The following CSMD1 variants were observed in gnomAD, a reference collection of about 807,000 sequenced individuals.
CSMD1 encodes the protein CUB and Sushi multiple domains 1, also known as CUB and sushi domain-containing protein 1.
CSMD1 carries 213 observed loss-of-function variants against 417.5 expected under a neutral mutation model. The observed-to-expected ratio is 0.51, with a 90% confidence interval of 0.46 to 0.57. The LOEUF (loss-of-function observed/expected upper bound fraction) is 0.57, where lower values mean the gene tolerates loss of function less well. Among genes scored for constraint, CSMD1 ranks in the 20% least tolerant of loss-of-function variants. The pLI, the probability that CSMD1 is intolerant of heterozygous loss-of-function variation, is 0.00. For synonymous variants in CSMD1, 2,862 were observed against 1,736.8 expected (o/e 1.65, Z -16.11); for missense variants, 6,923 against 4,529.7 (o/e 1.53, Z -15.17).
intron 5 of CSMD1, among the ~76,000 whole-genome samples, chr8:3,804,048 C>T (rs561124838): frequency 7.9e-4 from 120 of 152,250 alleles, no homozygotes; most frequent in African/African-American, 2.8e-3. Flanking sequence ...CTTCCTCAGC[C>T]TCTGAGTAGC....
At chr8:3,317,375 C>T (rs1257630725) in intron 23 of CSMD1, among the ~76,000 whole-genome samples, 1 of 152,178 alleles carries the variant, frequency 6.6e-6, no homozygotes, top group Non-Finnish European at 1.5e-5. Flanking sequence ...ATAGTAATCG[C>T]AATAATTACC....
chr8:3,141,575 C>T (rs1818482205), intron 41 of CSMD1, among the ~76,000 whole-genome samples: 1 of 152,148 alleles, frequency 6.6e-6, no homozygotes, highest in African/African-American at 2.4e-5. Flanking sequence ...CCTGGGATCA[C>T]ATCACTATTG....
intron 52 of CSMD1, among the ~76,000 whole-genome samples, chr8:3,014,394 T>C (rs1006434600): frequency 1.3e-5 from 2 of 152,324 alleles, no homozygotes; most frequent in East Asian, 1.9e-4. Flanking sequence ...TGGTTTTTGA[T>C]AGCTAGCTTC....
chr8:4,261,087 T>A (rs1803847652), intron 3 of CSMD1, among the ~76,000 whole-genome samples: 1 of 152,222 alleles, frequency 6.6e-6, no homozygotes, highest in Non-Finnish European at 1.5e-5. Context: ...GTGCTATATA[T>A]AATTTTTCTA....
At chr8:4,884,549 A>G (rs895080077) in intron 1 of CSMD1, among the ~76,000 whole-genome samples, 6 of 151,960 alleles carry the variant, frequency 3.9e-5, no homozygotes, top group African/African-American at 1.5e-4. Context: ...TAATTTTTGT[A>G]TATTGAGATG....
At chr8:3,003,965 A>C (rs913379050) in intron 52 of CSMD1, among the ~76,000 whole-genome samples, 1 of 152,232 alleles carries the variant, frequency 6.6e-6, no homozygotes, top group Non-Finnish European at 1.5e-5. Context: ...CATCCTGTCC[A>C]GCTTAGTACA....
intron 36 of CSMD1, among the ~76,000 whole-genome samples, chr8:3,181,701 T>A (rs540091925): frequency 6.6e-6 from 1 of 152,284 alleles, no homozygotes; most frequent in African/African-American, 2.4e-5. Context: ...CTTAGTAATG[T>A]TCCCCCTGGA....
intron 2 of CSMD1, among the ~76,000 whole-genome samples, chr8:4,604,156 G>C (rs1386873009): frequency 1.3e-5 from 2 of 151,846 alleles, no homozygotes; most frequent in Non-Finnish European, 1.5e-5. Flanking sequence ...TTTTACAGTG[G>C]TAACTCTATT....
At chr8:4,362,278 GT>G (rs1474754828) in intron 3 of CSMD1, among the ~76,000 whole-genome samples, 1 of 152,080 alleles carries the variant, frequency 6.6e-6, no homozygotes, top group African/African-American at 2.4e-5. Flanking sequence ...AACACAAGCA[GT>G]GGACTCCTCC....
chr8:4,599,721 C>T (rs933037251), intron 2 of CSMD1, among the ~76,000 whole-genome samples: 1 of 152,204 alleles, frequency 6.6e-6, no homozygotes, highest in African/African-American at 2.4e-5. Context: ...ATAGCAACCA[C>T]TAACCAGCTT....
At position 3,440,344 on chromosome 8, in the gene CSMD1, G is replaced by C. The variant is rs368545930; in HGVS notation, c.1561+28368C>G. Among the ~76,000 whole-genome samples the C allele has an allele frequency of 5.4e-4, 82 of 152,246 alleles. 1 individual carries two copies. In the South Asian group the frequency reaches 0.016, roughly 30 times the overall value. On this transcript the variant is annotated intron_variant, in intron 12 of 69. Coordinates refer to ENST00000635120, the MANE Select transcript of CSMD1 (RefSeq NM_033225.6). Reference sequence around the variant, plus strand: ...TTTCAATAGCATTGTATAGTTTTCAGTCTATGAGTCCTATACATATACAGT... The same window carrying C: ...TTTCAATAGCATTGTATAGTTTTCACTCTATGAGTCCTATACATATACAGT...
chr8:3,688,842 G>A (rs1408755984), intron 7 of CSMD1, among the ~76,000 whole-genome samples: 2 of 151,996 alleles, frequency 1.3e-5, no homozygotes, highest in Non-Finnish European at 1.5e-5. Context: ...TTAACTGATA[G>A]CAATCAATTA....
At chr8:4,340,438 C>A (rs9644366) in intron 3 of CSMD1, among the ~76,000 whole-genome samples, 2 of 152,034 alleles carry the variant, frequency 1.3e-5, no homozygotes, top group Non-Finnish European at 1.5e-5. Flanking sequence ...AATTAAGCTG[C>A]GCATTCCTTG....
At chr8:4,942,532 A>G (rs1419624260) in intron 1 of CSMD1, among the ~76,000 whole-genome samples, 4 of 152,224 alleles carry the variant, frequency 2.6e-5, no homozygotes, top group African/African-American at 9.6e-5. Context: ...TTCCTCTATT[A>G]AATAATGTAC....
intron 12 of CSMD1, among the ~76,000 whole-genome samples, chr8:3,451,603 T>A (rs953311844): frequency 1.1e-4 from 16 of 152,332 alleles, no homozygotes; most frequent in African/African-American, 3.6e-4. Flanking sequence ...TTTTGTCAGG[T>A]TTGTCAAAGA....
intron 1 of CSMD1, among the ~76,000 whole-genome samples, chr8:4,981,856 G>C (rs956071974): frequency 6.6e-6 from 1 of 152,060 alleles, no homozygotes; most frequent in Non-Finnish European, 1.5e-5. Context: ...ATATGGAATT[G>C]TAGCACTCAA....
At chr8:4,038,253 G>T (rs1217450499) in intron 3 of CSMD1, among the ~76,000 whole-genome samples, 1 of 151,962 alleles carries the variant, frequency 6.6e-6, no homozygotes, top group African/African-American at 2.4e-5. Flanking sequence ...TGAATAAATA[G>T]AAATAATTAA....
chr8:4,593,531 A>G (rs1235561112), intron 2 of CSMD1, among the ~76,000 whole-genome samples: 1 of 152,218 alleles, frequency 6.6e-6, no homozygotes, highest in Non-Finnish European at 1.5e-5. Flanking sequence ...AATAGCCCAT[A>G]AAGTGACTAT....
chr8:4,532,898 T>C (rs562480878), intron 2 of CSMD1, among the ~76,000 whole-genome samples: 1 of 148,604 alleles, frequency 6.7e-6, no homozygotes, highest in South Asian at 2.2e-4. Flanking sequence ...GCACCCCCAT[T>C]CAGAGTCACT....
Sources: gnomAD v4.1 joint callset for allele counts (sites outside exome capture counted in the v4.1 genomes callset) on GRCh38, gnomAD v4.1.1 for gene constraint, MANE v1.5 for transcripts, NCBI Gene and HGNC (gene_info 2026-07-23, HGNC 2026-07-21) for gene names.